EDA: variants seen among roughly 807,000 people sequenced by gnomAD.
EDA encodes the protein ectodysplasin-A.
EDA carries 2 observed loss-of-function variants against 23.6 expected under a neutral mutation model. That is an observed-to-expected ratio of 0.08 (90% CI 0.03 to 0.27). The LOEUF is 0.27. Among genes scored for constraint, EDA ranks in the 10% least tolerant of loss-of-function variants. EDA has a pLI of 1.00. For missense variants in EDA, 229 were observed against 324.2 expected (o/e 0.71, Z 2.26); for synonymous variants, 131 against 132.0 (o/e 0.99, Z 0.05).
In EDA at chrX:69,983,728, T is replaced by A. The variant is rs1391761720; in HGVS notation, c.502+26596T>A. Among the ~76,000 whole-genome samples the A allele has an allele frequency of 4.0e-5, 3 of 74,661 alleles. No homozygotes were observed. In the Admixed American group the frequency reaches 5.1e-4, roughly 13 times the overall value. The allele number at this position is 74,661 out of a possible 115,157, so 64.8% of individuals were successfully genotyped here. On this transcript the variant is annotated intron_variant, in intron 2 of 7. Transcript: ENST00000374552. Reference sequence around the variant, plus strand: ...TTTCAACTTTGGTGAATCTGACAATTATGTGTCTTGGAGTTGCTCTTCTCG... The same window carrying A: ...TTTCAACTTTGGTGAATCTGACAATAATGTGTCTTGGAGTTGCTCTTCTCG...
intron 1 of EDA, among the ~76,000 whole-genome samples, chrX:69,695,288 GAAAGAA>G (rs1175681213): frequency 9.3e-6 from 1 of 108,043 alleles, no homozygotes; most frequent in Non-Finnish European, 1.9e-5. Flanking sequence ...CCACTGTAGA[GAAAGAA>G]AAAGAAAAAG....
Position 69,631,251 on chromosome X carries a change from C to T in EDA, c.396+14547C>T, listed in dbSNP as rs189802894. On this transcript the variant is annotated intron_variant, in intron 1 of 7. Coordinates refer to ENST00000374552, the MANE Select transcript of EDA (RefSeq NM_001399.5). Reference sequence around the variant, plus strand: ...CAAAAATCAACTGGGTGTGGTGGCACGCACCTGTAATCCTAGCTACTTGGG... The same window carrying T: ...CAAAAATCAACTGGGTGTGGTGGCATGCACCTGTAATCCTAGCTACTTGGG... Among the ~76,000 whole-genome samples the T allele has an allele frequency of 5.5e-5, 6 of 109,073 alleles. No individual in the cohort carries two copies. In the East Asian group the frequency reaches 1.2e-3, roughly 21 times the overall value. The allele number at this position is 109,073 out of a possible 115,157, so 94.7% of individuals were successfully genotyped here.
At chrX:69,790,448 C>G (rs1394017474) in intron 1 of EDA, among the ~76,000 whole-genome samples, 2 of 111,022 alleles carry the variant, frequency 1.8e-5, no homozygotes, top group African/African-American at 3.3e-5. Context: ...AATCTTAGTT[C>G]AATGGATAGC....
chrX:69,875,209 C>T (rs1602501185), intron 1 of EDA, among the ~76,000 whole-genome samples: 1 of 111,650 alleles, frequency 9.0e-6, no homozygotes, highest in African/African-American at 3.3e-5. Context: ...CTGGAGGCCT[C>T]ACAATACCTG....
At chrX:69,771,187 C>T (rs980178985) in intron 1 of EDA, among the ~76,000 whole-genome samples, 4 of 109,892 alleles carry the variant, frequency 3.6e-5, no homozygotes, top group African/African-American at 6.6e-5. Flanking sequence ...CCCCCCAAGT[C>T]GCTGGGACTA....
At chrX:69,765,897 A>G (rs902679609) in intron 1 of EDA, among the ~76,000 whole-genome samples, 1 of 111,778 alleles carries the variant, frequency 8.9e-6, no homozygotes, top group African/African-American at 3.3e-5. Context: ...CACTATCTGT[A>G]GCCCCTGGCA....
At chrX:69,965,358 C>T (rs910796063) in intron 2 of EDA, among the ~76,000 whole-genome samples, 11 of 111,561 alleles carry the variant, frequency 9.9e-5, no homozygotes, top group African/African-American at 3.6e-4. Context: ...GGTCAAATCA[C>T]GCAGGGCTTT....
intron 1 of EDA, among the ~76,000 whole-genome samples, chrX:69,690,160 A>G (rs1483886977): frequency 9.0e-6 from 1 of 111,073 alleles, no homozygotes; most frequent in Admixed American, 9.6e-5. Flanking sequence ...TTTATTGCCT[A>G]AGTTCATAAC....
At chrX:69,870,723 A>AT (rs769794461) in intron 1 of EDA, among the ~76,000 whole-genome samples, 5 of 111,015 alleles carry the variant, frequency 4.5e-5, no homozygotes, top group East Asian at 2.8e-4. Context: ...GCAGGGTCCC[A>AT]TTTTTTTTCC....
chrX:69,734,529 A>C (rs2147363544), intron 1 of EDA, among the ~76,000 whole-genome samples: 1 of 111,538 alleles, frequency 9.0e-6, no homozygotes, highest in Admixed American at 9.5e-5. Flanking sequence ...TTAGATGACT[A>C]ATGTTAGTCT....
chrX:69,788,261 T>G (rs1371316134), intron 1 of EDA, among the ~76,000 whole-genome samples: 1 of 112,597 alleles, frequency 8.9e-6, no homozygotes, highest in Non-Finnish European at 1.9e-5. Context: ...CTCGGAGTAA[T>G]TTGATCATCT....
chrX:70,025,491 A>T (rs2020095323), intron 3 of EDA, among the ~76,000 whole-genome samples: 1 of 111,518 alleles, frequency 9.0e-6, no homozygotes, highest in African/African-American at 3.3e-5. Flanking sequence ...ACTCAGTCTC[A>T]TGAGGAAACA....
intron 1 of EDA, among the ~76,000 whole-genome samples, chrX:69,653,767 ATCCCT>A (rs1933185572): frequency 1.8e-5 from 2 of 111,727 alleles, no homozygotes; most frequent in Admixed American, 1.9e-4. Context: ...CTGAAACTGA[ATCCCT>A]TCCTTACACC....
At chrX:69,908,013 TC>T (rs2018204424) in intron 1 of EDA, among the ~76,000 whole-genome samples, 1 of 111,560 alleles carries the variant, frequency 9.0e-6, no homozygotes, top group South Asian at 3.7e-4. Flanking sequence ...ATGGACAAAT[TC>T]CCTGATTTTC....
intron 2 of EDA, among the ~76,000 whole-genome samples, chrX:69,992,747 A>G (rs1023896318): frequency 1.8e-5 from 2 of 111,704 alleles, no homozygotes; most frequent in African/African-American, 6.5e-5. Flanking sequence ...ATACCAGTCT[A>G]TACTCTTGCC....
intron 1 of EDA, among the ~76,000 whole-genome samples, chrX:69,826,039 T>G (rs1422524788): frequency 1.8e-5 from 2 of 109,196 alleles, no homozygotes; most frequent in East Asian, 5.8e-4. Flanking sequence ...TGCGTTCTAG[T>G]TTGATTGCAC....
intron 1 of EDA, among the ~76,000 whole-genome samples, chrX:69,804,338 A>G (rs998824933): frequency 9.0e-6 from 1 of 111,658 alleles, no homozygotes; most frequent in African/African-American, 3.2e-5. Context: ...TAGAAAGTAG[A>G]TAAGATTTCT....
chrX:69,926,058 A>G (rs1360332796), intron 1 of EDA, among the ~76,000 whole-genome samples: 4 of 109,903 alleles, frequency 3.6e-5, no homozygotes, highest in Non-Finnish European at 7.6e-5. Context: ...TTTCTTCTTT[A>G]TTAGTCTAGC....
At chrX:69,719,181 T>C (rs936296213) in intron 1 of EDA, among the ~76,000 whole-genome samples, 2 of 110,625 alleles carry the variant, frequency 1.8e-5, no homozygotes, top group Admixed American at 9.7e-5. Context: ...GCATCTTTTT[T>C]CTTTTTGTCA....
Sources: allele counts gnomAD v4.1 joint callset (sites outside exome capture counted in the v4.1 genomes callset), GRCh38; gene constraint gnomAD v4.1.1; transcripts MANE v1.5; gene names NCBI Gene and HGNC (gene_info 2026-07-23, HGNC 2026-07-21).